Variants in AFF1 observed in about 807,000 individuals in gnomAD.
The protein encoded by AFF1 is ALF transcription elongation factor 1.
Under a neutral mutation model 121.7 loss-of-function variants are expected in AFF1, and 48 were observed. That is an observed-to-expected ratio of 0.39 (90% confidence interval 0.31 to 0.50). AFF1 has a LOEUF of 0.50. Ranked by LOEUF, AFF1 falls within the 20% of genes least tolerant of loss-of-function variation. The pLI, the probability that AFF1 is intolerant of heterozygous loss-of-function variation, is 0.76. For synonymous variants in AFF1, 613 were observed against 563.0 expected (o/e 1.09, Z -1.26); for missense variants, 1,523 against 1,511.7 (o/e 1.01, Z -0.12).
chr4:87,115,323 A>G lies in AFF1; in HGVS notation c.2466+24A>G, dbSNP rs201369279. The stretch of plus-strand genomic sequence containing the variant: ...AGGTGAGTGTGGGGAGACTGCCCTG[A>G]CTCCAGCGTGGACCATCCTTGCTGT... On this transcript the variant is annotated intron_variant, in intron 12 of 20. Coordinates refer to ENST00000395146, the MANE Select transcript of AFF1 (RefSeq NM_001166693.3). 1.9e-6 allele frequency: 3 copies of G among 1,540,142 alleles called. No individual in the cohort carries two copies. In the African/African-American group the frequency reaches 4.1e-5, roughly 21 times the overall value.
At chr4:87,113,190 ACATT>A (rs574114099) in intron 11 of AFF1, among the ~76,000 whole-genome samples, 242 of 152,342 alleles carry the variant, frequency 1.6e-3, no homozygotes, top group African/African-American at 5.4e-3. Context: ...ACGCAATTGT[ACATT>A]CTCATTGCCC....
Position 87,087,508 on chromosome 4 carries a change from G to C in AFF1, c.1105-2476G>C, listed in dbSNP as rs1287515117. 2.6e-5 allele frequency among the ~76,000 whole-genome samples: 4 copies of C among 152,266 alleles called. No individual in the cohort carries two copies. The South Asian group carries it at 6.2e-4, about 24-fold the overall frequency. On this transcript the variant is annotated intron_variant, in intron 5 of 20. Transcript: ENST00000395146. ...AGTAGCTGTGGGGCCTGGAGGGCCA[G>C]GGCTGACGTAGGTCCCAGTGATTTG...
chr4:86,971,559 C>T (rs116390764), intron 2 of AFF1, among the ~76,000 whole-genome samples: 152 of 152,316 alleles, frequency 1.0e-3, no homozygotes, highest in African/African-American at 3.4e-3. Flanking sequence ...ATTAAGGGTA[C>T]ACATGTCTAT....
At chr4:87,052,624 C>CT (rs1004123230) in intron 4 of AFF1, among the ~76,000 whole-genome samples, 38 of 145,870 alleles carry the variant, frequency 2.6e-4, no homozygotes, top group South Asian at 1.1e-3. Context: ...GACATATCTA[C>CT]TTTTTTTTTT....
intron 4 of AFF1, among the ~76,000 whole-genome samples, chr4:87,060,867 A>AAAAAAAAAC (rs1560586070): frequency 9.7e-5 from 4 of 41,076 alleles, no homozygotes; most frequent in Non-Finnish European, 1.8e-4. Flanking sequence ...AAAAAAAAAA[A>AAAAAAAAAC]CACAAAAAAA....
intron 12 of AFF1, among the ~76,000 whole-genome samples, chr4:87,123,081 AT>A (rs1404114754): frequency 6.6e-6 from 1 of 152,034 alleles, no homozygotes; most frequent in Non-Finnish European, 1.5e-5. Context: ...TTTAGTAGAG[AT>A]GGAGTTTCAC....
intron 4 of AFF1, among the ~76,000 whole-genome samples, chr4:87,062,515 T>C (rs1304305277): frequency 1.3e-5 from 2 of 151,866 alleles, no homozygotes; most frequent in African/African-American, 4.9e-5. Context: ...CGATGCTTTT[T>C]TCAGCTGTAA....
intron 12 of AFF1, among the ~76,000 whole-genome samples, chr4:87,120,624 G>A (rs569328510): frequency 3.3e-5 from 5 of 152,344 alleles, no homozygotes; most frequent in South Asian, 2.1e-4. Flanking sequence ...CAAGGTCGGC[G>A]TACTGGCTCT....
At chr4:87,130,299 A>G (rs1728704796) in intron 16 of AFF1, among the ~76,000 whole-genome samples, 1 of 152,172 alleles carries the variant, frequency 6.6e-6, no homozygotes, top group South Asian at 2.1e-4. Context: ...CCTTTTGAAC[A>G]TATCAAATAC....
chr4:87,112,528 A>G (rs1407307705), intron 11 of AFF1, among the ~76,000 whole-genome samples: 2 of 152,226 alleles, frequency 1.3e-5, no homozygotes, highest in Non-Finnish European at 2.9e-5. Flanking sequence ...TGTTAGTCAC[A>G]CTAAACCCAA....
At chr4:87,053,938 A>G (rs943945266) in intron 4 of AFF1, among the ~76,000 whole-genome samples, 2 of 152,230 alleles carry the variant, frequency 1.3e-5, no homozygotes, top group African/African-American at 4.8e-5. Flanking sequence ...TGAGAGCTGA[A>G]GGTGAGTAGG....
At chr4:87,043,668 G>T (rs1246415608) in intron 2 of AFF1, among the ~76,000 whole-genome samples, 1 of 152,170 alleles carries the variant, frequency 6.6e-6, no homozygotes, top group Non-Finnish European at 1.5e-5. Flanking sequence ...CCAGTTTCTG[G>T]TTCAGCAGCT....
chr4:87,133,869 CTTCT>C, intron 19 of AFF1, among the ~76,000 whole-genome samples: 1 of 152,210 alleles, frequency 6.6e-6, no homozygotes, highest in Admixed American at 6.5e-5. Context: ...GAGATAGAGT[CTTCT>C]GATGCATGAT....
intron 12 of AFF1, among the ~76,000 whole-genome samples, chr4:87,115,609 C>CTTTTTTTTTTTT (rs71660115): frequency 0.021 from 852 of 40,548 alleles, 138 homozygotes; most frequent in African/African-American, 0.056. Flanking sequence ...CAACCCACCT[C>CTTTTTTTTTTTT]TTTTTTTTTT....
chr4:87,109,420 G>A (rs1242818734), intron 11 of AFF1, among the ~76,000 whole-genome samples: 1 of 152,206 alleles, frequency 6.6e-6, no homozygotes, highest in African/African-American at 2.4e-5. Context: ...GGAGTGGACA[G>A]ACATGCATCA....
At chr4:86,937,722 C>T (rs1054627656) in intron 1 of AFF1, among the ~76,000 whole-genome samples, 22 of 136,478 alleles carry the variant, frequency 1.6e-4, no homozygotes, top group African/African-American at 5.8e-4. Flanking sequence ...GCTGGGATTA[C>T]AAGCATATGC....
chr4:87,093,215 T>C (rs1257500795), intron 7 of AFF1, among the ~76,000 whole-genome samples: 1 of 152,188 alleles, frequency 6.6e-6, no homozygotes, highest in Non-Finnish European at 1.5e-5. Flanking sequence ...TTGTCCAACA[T>C]TGGTGGGTCT....
At chr4:86,985,680 A>G (rs1216368135) in intron 2 of AFF1, among the ~76,000 whole-genome samples, 1 of 152,064 alleles carries the variant, frequency 6.6e-6, no homozygotes, top group Non-Finnish European at 1.5e-5. Flanking sequence ...CCATCTTAGT[A>G]AATAAATAAA....
At chr4:87,014,278 G>C (rs1727091965) in intron 2 of AFF1, among the ~76,000 whole-genome samples, 2 of 152,150 alleles carry the variant, frequency 1.3e-5, no homozygotes, top group East Asian at 1.9e-4. Context: ...TAACTGCTAA[G>C]TATCTCTCTC....
Sources: gnomAD v4.1 joint callset for allele counts (sites outside exome capture counted in the v4.1 genomes callset) on GRCh38, gnomAD v4.1.1 for gene constraint, MANE v1.5 for transcripts, NCBI Gene and HGNC (gene_info 2026-07-23, HGNC 2026-07-21) for gene names.